FAM227B: variants seen among roughly 807,000 people sequenced by gnomAD.
FAM227B encodes the protein protein FAM227B.
FAM227B carries 88 observed loss-of-function variants against 73.8 expected under a neutral mutation model. The ratio of observed to expected loss-of-function variants is 1.19; its 90% CI spans 1.00 to 1.42. FAM227B has a LOEUF of 1.42. FAM227B is among the 40% of genes most tolerant of loss of function. The pLI is 0.00. For synonymous variants in FAM227B, 210 were observed against 190.5 expected (o/e 1.10, Z -0.84); for missense variants, 632 against 590.9 (o/e 1.07, Z -0.72).
intron 11 of FAM227B, among the ~76,000 whole-genome samples, chr15:49,467,409 A>G (rs976749876): frequency 6.6e-6 from 1 of 152,126 alleles, no homozygotes; most frequent in Non-Finnish European, 1.5e-5. Context: ...ATTTATGCAT[A>G]GGTGTTAACT....
chr15:49,382,999 C>T (rs1200026700), intron 11 of FAM227B, among the ~76,000 whole-genome samples: 2 of 152,098 alleles, frequency 1.3e-5, no homozygotes, highest in African/African-American at 4.8e-5. Context: ...TTAACATTTA[C>T]TTCAATCTCC....
At chr15:49,553,985 G>A (rs1005143270) in intron 9 of FAM227B, among the ~76,000 whole-genome samples, 3 of 152,116 alleles carry the variant, frequency 2.0e-5, no homozygotes, top group Admixed American at 2.0e-4. Flanking sequence ...AGTTATTCAG[G>A]GCTCAAGGGC....
intron 11 of FAM227B, among the ~76,000 whole-genome samples, chr15:49,467,279 A>C (rs957456172): frequency 6.6e-6 from 1 of 152,030 alleles, no homozygotes; most frequent in Non-Finnish European, 1.5e-5. Flanking sequence ...AGTTTCTATA[A>C]CTTCTTTTTC....
At chr15:49,395,924 T>G (rs1000336676) in intron 11 of FAM227B, 5 of 455,908 alleles carry the variant, frequency 1.1e-5, no homozygotes, top group African/African-American at 1.0e-4. Flanking sequence ...TTAAGGCCCA[T>G]GAATGCCATG....
At chr15:49,424,530 G>A in intron 11 of FAM227B, 1 of 1,607,768 alleles carries the variant, frequency 6.2e-7, no homozygotes, top group South Asian at 1.1e-5. Context: ...TGGTACCTGA[G>A]GATCGATAAA....
intron 9 of FAM227B, among the ~76,000 whole-genome samples, chr15:49,545,035 C>T (rs2071627764): frequency 6.6e-6 from 1 of 152,028 alleles, no homozygotes; most frequent in South Asian, 2.1e-4. Flanking sequence ...AGGGAAGAGT[C>T]CCTCTTTCAC....
At chr15:49,499,719 A>G (rs996323827) in intron 11 of FAM227B, among the ~76,000 whole-genome samples, 1 of 152,356 alleles carries the variant, frequency 6.6e-6, no homozygotes, top group African/African-American at 2.4e-5. Context: ...GAACAGACAT[A>G]AACCAATATG....
intron 11 of FAM227B, among the ~76,000 whole-genome samples, chr15:49,448,505 T>A (rs997637240): frequency 5.9e-5 from 9 of 151,720 alleles, no homozygotes; most frequent in African/African-American, 2.2e-4. Context: ...TTTATTGTTT[T>A]AAAAAACTCC....
At chr15:49,353,593 T>C (rs2042572812) in intron 13 of FAM227B, 1 of 150,958 alleles carries the variant, frequency 6.6e-6, no homozygotes, top group Non-Finnish European at 1.5e-5. Context: ...ACCCAATTTT[T>C]GAAGTTGAAG....
At chr15:49,376,261 ATATTT>A (rs1319282011) in intron 11 of FAM227B, among the ~76,000 whole-genome samples, 2 of 152,078 alleles carry the variant, frequency 1.3e-5, no homozygotes, top group African/African-American at 2.4e-5. Flanking sequence ...TTTAGCTATT[ATATTT>A]AAGTATATAA....
At chr15:49,360,120 A>C (rs944443235) in intron 13 of FAM227B, among the ~76,000 whole-genome samples, 1 of 150,588 alleles carries the variant, frequency 6.6e-6, no homozygotes, top group Non-Finnish European at 1.5e-5. Flanking sequence ...GGATAGCATC[A>C]GGAGATATAC....
intron 11 of FAM227B, among the ~76,000 whole-genome samples, chr15:49,452,819 T>C (rs1195589916): frequency 1.3e-5 from 2 of 152,160 alleles, no homozygotes; most frequent in African/African-American, 4.8e-5. Flanking sequence ...TGCAGGATAA[T>C]ATAAGCACTC....
At chr15:49,579,744 C>T (rs886676941) in intron 5 of FAM227B, among the ~76,000 whole-genome samples, 2 of 151,998 alleles carry the variant, frequency 1.3e-5, no homozygotes, top group Non-Finnish European at 2.9e-5. Context: ...AGTAGGGCAA[C>T]TATAGTTAGC....
At position 49,547,284 on chromosome 15, in the gene FAM227B, A is replaced by AT. The variant is rs1191965999; in HGVS notation, c.748-5479_748-5478insA. Among the ~76,000 whole-genome samples the AT allele has an allele frequency of 2.0e-5, 3 of 151,918 alleles. No individual in the cohort carries two copies. The East Asian group carries it at 5.8e-4, about 29-fold the overall frequency. ...TAGAAGAGCTCCTGAAGGAAGCACT[A>AT]AACATGGAAAGGAACAACCAGTACC... is the stretch of plus-strand genomic sequence containing the variant. On this transcript the variant is annotated intron_variant, in intron 9 of 15. Transcript: ENST00000299338.
intron 11 of FAM227B, chr15:49,424,424 A>T (rs1163883590): frequency 5.6e-6 from 9 of 1,613,746 alleles, no homozygotes; most frequent in Non-Finnish European, 6.8e-6. Flanking sequence ...AATGGCTACA[A>T]ATGTGAACTG....
At chr15:49,568,476 C>A in intron 8 of FAM227B, 130 bp from the exon 9 acceptor site, 1 of 717,598 alleles carries the variant, frequency 1.4e-6, no homozygotes, top group Non-Finnish European at 2.2e-6. Flanking sequence ...TGGGTTTTCG[C>A]ATAATGCAGA....
intron 13 of FAM227B, chr15:49,344,361 A>G (rs1179160797): frequency 6.6e-6 from 1 of 152,130 alleles, no homozygotes; most frequent in Non-Finnish European, 1.5e-5. Context: ...TATGCATTCA[A>G]GTTTTATAAT....
In FAM227B at chr15:49,589,817, G is replaced by C; in HGVS notation, c.296C>G (p.Thr99Ser). ...KEYSLILQNH[T>S]SEIFKWKSMI... ...GCTTTTCCACTTAAATATTTCAGAG[G>C]TGTGGTTTTGCAAAATAAGTGAATA... Residue 99 changes from threonine to serine, a missense_variant, in exon 4 of 16, where the codon ACC becomes AGC. Transcript: ENST00000299338. 1.2e-6 allele frequency: 2 copies of C among 1,605,174 alleles called. No individual in the cohort carries two copies. Among genetic ancestry groups the C allele is most frequent in the Non-Finnish European group, 1.7e-6 (2 of 1,172,078 alleles).
At chr15:49,604,894 G>T (rs2077414176) in intron 3 of FAM227B, among the ~76,000 whole-genome samples, 1 of 151,696 alleles carries the variant, frequency 6.6e-6, no homozygotes, top group African/African-American at 2.4e-5. Flanking sequence ...TTCTGTGTGT[G>T]GATTTTTCAT....
Sources: gnomAD v4.1 joint callset for allele counts (sites outside exome capture counted in the v4.1 genomes callset) on GRCh38, gnomAD v4.1.1 for gene constraint, MANE v1.5 for transcripts, NCBI Gene and HGNC (gene_info 2026-07-23, HGNC 2026-07-21) for gene names.